Variants in PON3 observed in about 807,000 individuals in gnomAD.
PON3 encodes paraoxonase 3.
In PON3, 37 loss-of-function variants were observed where a neutral mutation model predicts 36.3. The ratio of observed to expected loss-of-function variants is 1.02; its 90% CI spans 0.78 to 1.34. The LOEUF is 1.34. PON3 is among the 40% of genes most tolerant of loss of function. The pLI is 0.00. For missense variants in PON3, 415 were observed against 426.5 expected (o/e 0.97, Z 0.24); for synonymous variants, 155 against 154.8 (o/e 1.00, Z -0.01).
intron 3 of PON3, among the ~76,000 whole-genome samples, chr7:95,382,195 T>A (rs1809073274): frequency 6.6e-6 from 1 of 152,090 alleles, no homozygotes; most frequent in African/African-American, 2.4e-5. Context: ...TGGGACACAT[T>A]TAAAGCAGTG....
At chr7:95,371,808 GT>G (rs1298935522) in intron 4 of PON3, among the ~76,000 whole-genome samples, 9 of 151,842 alleles carry the variant, frequency 5.9e-5, no homozygotes, top group East Asian at 5.8e-4. Context: ...AGTCTAATTT[GT>G]TTTTTTCCCC....
chr7:95,394,635 C>G lies in PON3; in HGVS notation c.145+9G>C. ...GTGCTGGCTCCTCTTGGTACTGTCA[C>G]ATACATACCAAGTTCCTCAATAAGG... On this transcript the variant is annotated intron_variant, in intron 2 of 8. Coordinates refer to ENST00000265627, the MANE Select transcript of PON3 (RefSeq NM_000940.3). 1.2e-6 allele frequency: 2 copies of G among 1,612,112 alleles called. No individual in the cohort carries two copies. Among genetic ancestry groups the G allele is most frequent in the South Asian group, 1.1e-5 (1 of 91,012 alleles).
intron 2 of PON3, among the ~76,000 whole-genome samples, chr7:95,393,667 TGGGGG>T (rs1809367841): frequency 1.3e-5 from 2 of 152,042 alleles, no homozygotes; most frequent in Non-Finnish European, 2.9e-5. Context: ...CTTTTGAGAA[TGGGGG>T]TACCATACAT....
In PON3 at chr7:95,362,740, G is replaced by A. The variant is rs748153090; in HGVS notation, c.777+20C>T. ...TAAGGTAAGAAGTCAGATTGTGTGG[G>A]CCAGACAGGGTACTCTTACCTTCAG... is the stretch of plus-strand genomic sequence containing the variant. On this transcript the variant is annotated intron_variant, in intron 7 of 8. Coordinates refer to ENST00000265627, the MANE Select transcript of PON3 (RefSeq NM_000940.3). 1 of 1,573,420 alleles carries A rather than the reference G, an allele frequency of 6.4e-7. No individual in the cohort carries two copies. The highest frequency in any genetic ancestry group is 2.2e-5 in the East Asian group (1 of 44,676).
At chr7:95,394,534 C>A in intron 2 of PON3, 110 bp downstream of exon 2, 1 of 923,844 alleles carries the variant, frequency 1.1e-6, no homozygotes, top group African/African-American at 1.6e-5. Context: ...AGATGTCCCA[C>A]TGGGAGGGCT....
chr7:95,385,554 C>G (rs1291349016), intron 3 of PON3, among the ~76,000 whole-genome samples: 1 of 152,044 alleles, frequency 6.6e-6, no homozygotes, highest in African/African-American at 2.4e-5. Flanking sequence ...GAACTCAGCT[C>G]TGGACCAAGC....
At chr7:95,387,149 G>C (rs765007164) in intron 3 of PON3, among the ~76,000 whole-genome samples, 1 of 152,152 alleles carries the variant, frequency 6.6e-6, no homozygotes, top group Non-Finnish European at 1.5e-5. Flanking sequence ...AATTGGACAA[G>C]AGAAAGAAAT....
At chr7:95,366,987 C>T (rs1032728263) in intron 5 of PON3, among the ~76,000 whole-genome samples, 1 of 152,002 alleles carries the variant, frequency 6.6e-6, no homozygotes, top group Non-Finnish European at 1.5e-5. Context: ...GTTATAACAC[C>T]CAGTGGGTGA....
In PON3 at chr7:95,394,120, G is replaced by A. The variant is rs912898537; in HGVS notation, c.145+524C>T. Among the ~76,000 whole-genome samples, 6 of 152,138 alleles carry A rather than the reference G, an allele frequency of 3.9e-5. 1 individual carries two copies. The highest frequency in any genetic ancestry group is 1.2e-4 in the African/African-American group (5 of 41,488). On this transcript the variant is annotated intron_variant, in intron 2 of 8. Coordinates refer to ENST00000265627, the MANE Select transcript of PON3 (RefSeq NM_000940.3). ...TCACCATGTTGGCCAGGATGGTCTC[G>A]ATCTCCTGACCTCATGATCCGCCCC...
In PON3 at chr7:95,372,194, T is replaced by C. The variant is rs369390143; in HGVS notation, c.346A>G (p.Ile116Val). 25 of 1,613,662 alleles carry C rather than the reference T, an allele frequency of 1.5e-5. No homozygotes were observed. Among genetic ancestry groups the C allele is most frequent in the Non-Finnish European group, 1.9e-5 (23 of 1,179,746 alleles). ...FDKELFNPHG[I>V]SIFIDKDNTV... ...TTACCTTTGTCGATGAAAATACTGATCCCATGTGGATTAAATAATTCTTTG... is the reference window on the plus strand; with the variant it reads ...TTACCTTTGTCGATGAAAATACTGACCCCATGTGGATTAAATAATTCTTTG... Residue 116 changes from isoleucine to valine, a missense_variant, in exon 4 of 9, where the codon ATC (isoleucine) becomes GTC (valine). Transcript: ENST00000265627.
Position 95,382,611 on chromosome 7 carries a change from G to C in PON3, c.201+7543C>G, listed in dbSNP as rs530412036. Among the ~76,000 whole-genome samples, 1,370 of 152,248 alleles carry C rather than the reference G, an allele frequency of 9.0e-3. 25 individuals carry two copies. The highest frequency in any genetic ancestry group is 0.031 in the African/African-American group (1,307 of 41,542). On this transcript the variant is annotated intron_variant, in intron 3 of 8. Transcript: ENST00000265627. ...TAAACTAGAAAATCTAGAAGAAATG[G>C]ATAAATTCCTCAACACATACACCCT...
chr7:95,362,915 G>T, intron 6 of PON3, 74 bp from the exon 7 acceptor site: 2 of 1,150,754 alleles, frequency 1.7e-6, no homozygotes, highest in Non-Finnish European at 2.6e-6. Flanking sequence ...TTGGAGAAGA[G>T]GTATAAAAAT....
intron 3 of PON3, among the ~76,000 whole-genome samples, chr7:95,383,565 A>G (rs1317928696): frequency 6.6e-6 from 1 of 152,164 alleles, no homozygotes; most frequent in Non-Finnish European, 1.5e-5. Flanking sequence ...AATAACAGAC[A>G]AACAGAGAGC....
At chr7:95,382,423 T>G (rs954034984) in intron 3 of PON3, among the ~76,000 whole-genome samples, 8 of 152,038 alleles carry the variant, frequency 5.3e-5, no homozygotes, top group Non-Finnish European at 1.2e-4. Context: ...AGCTGGTATT[T>G]TGAAAAGATC....
At chr7:95,362,238 C>T in intron 8 of PON3, 124 bp downstream of exon 8, 1 of 1,304,078 alleles carries the variant, frequency 7.7e-7, no homozygotes, top group Non-Finnish European at 1.1e-6. Flanking sequence ...CTTTACTTTT[C>T]TCATACGTAA....
chr7:95,382,667 T>C (rs1809088799), intron 3 of PON3, among the ~76,000 whole-genome samples: 1 of 152,134 alleles, frequency 6.6e-6, no homozygotes, highest in Non-Finnish European at 1.5e-5. Context: ...AACTTGAATC[T>C]CTGAATAGAC....
chr7:95,367,566 C>T (rs1808726591), intron 4 of PON3, 78 bp from the exon 5 acceptor site: 1 of 1,528,818 alleles, frequency 6.5e-7, no homozygotes, highest in South Asian at 1.1e-5. Flanking sequence ...AAAACTTGGT[C>T]ACTTCCAAAA....
intron 4 of PON3, among the ~76,000 whole-genome samples, chr7:95,370,197 A>G (rs1324946194): frequency 6.6e-6 from 1 of 152,152 alleles, no homozygotes; most frequent in African/African-American, 2.4e-5. Flanking sequence ...GAGGGACATA[A>G]TCAGATTTGC....
At chr7:95,364,423 C>T (rs1370058349) in intron 5 of PON3, 6 of 329,692 alleles carry the variant, frequency 1.8e-5, no homozygotes, top group East Asian at 7.8e-5. Context: ...TCAGGAATTA[C>T]ACTTCCCCAT....
Sources: allele counts gnomAD v4.1 joint callset (sites outside exome capture counted in the v4.1 genomes callset), GRCh38; gene constraint gnomAD v4.1.1; transcripts MANE v1.5; gene names NCBI Gene and HGNC (gene_info 2026-07-23, HGNC 2026-07-21).